PDE4B: variants seen among roughly 807,000 people sequenced by gnomAD.
The protein encoded by PDE4B is 3',5'-cyclic-AMP phosphodiesterase 4B.
Under a neutral mutation model 82.2 loss-of-function variants are expected in PDE4B, and 20 were observed. The ratio of observed to expected loss-of-function variants is 0.24; its 90% confidence interval spans 0.17 to 0.35. The LOEUF (loss-of-function observed/expected upper bound fraction) is 0.35. Among genes scored for constraint, PDE4B ranks in the 10% least tolerant of loss-of-function variants. PDE4B has a pLI of 1.00. For synonymous variants in PDE4B, 320 were observed against 318.9 expected (o/e 1.00, Z -0.04); for missense variants, 655 against 907.2 (o/e 0.72, Z 3.57).
chr1:66,053,213 G>A (rs1655131973), intron 3 of PDE4B, among the ~76,000 whole-genome samples: 1 of 152,098 alleles, frequency 6.6e-6, no homozygotes, highest in Admixed American at 6.6e-5. Flanking sequence ...TTACGTATGT[G>A]TATTAAATGT....
rs150844232 is a variant in PDE4B at position 65,878,353 on chromosome 1, T to C, written c.-70-34892T>C. ...CCTCAAGGATCTAGAACCAGAAATATCATTTGACCCAGCAATCCCATTACT... is the reference window on the plus strand; with the variant it reads ...CCTCAAGGATCTAGAACCAGAAATACCATTTGACCCAGCAATCCCATTACT... On this transcript the variant is annotated intron_variant, in intron 1 of 16. Transcript: ENST00000341517. Among the ~76,000 whole-genome samples, 664 of 152,246 alleles carry C rather than the reference T, an allele frequency of 4.4e-3. 23 individuals carry two copies. The highest frequency in any genetic ancestry group is 0.039 in the Admixed American group (597 of 15,292).
intron 1 of PDE4B, among the ~76,000 whole-genome samples, chr1:65,858,954 AG>A (rs1646424541): frequency 6.6e-6 from 1 of 152,100 alleles, no homozygotes; most frequent in African/African-American, 2.4e-5. Flanking sequence ...TCCATTTCAG[AG>A]ATGTTTGCAC....
intron 8 of PDE4B, among the ~76,000 whole-genome samples, chr1:66,347,994 A>G (rs949896986): frequency 6.6e-6 from 1 of 152,196 alleles, no homozygotes; most frequent in Non-Finnish European, 1.5e-5. Context: ...TCAGATATGA[A>G]GGTCCTAAAA....
chr1:66,174,669 T>A (rs182106952), intron 3 of PDE4B, among the ~76,000 whole-genome samples: 2 of 151,906 alleles, frequency 1.3e-5, no homozygotes, highest in African/African-American at 4.8e-5. Context: ...GGCAGGAGAA[T>A]GACTTGAACC....
chr1:65,813,760 AT>A (rs1379927537), intron 1 of PDE4B, among the ~76,000 whole-genome samples: 1 of 152,070 alleles, frequency 6.6e-6, no homozygotes, highest in Non-Finnish European at 1.5e-5. Flanking sequence ...ACTTCAGGGT[AT>A]TTTTTTCTTT....
At chr1:66,021,749 G>A (rs1293587938) in intron 3 of PDE4B, among the ~76,000 whole-genome samples, 9 of 152,174 alleles carry the variant, frequency 5.9e-5, no homozygotes, top group East Asian at 3.8e-4. Flanking sequence ...GTAGCGTGAT[G>A]CCTCCAGCTT....
intron 3 of PDE4B, among the ~76,000 whole-genome samples, chr1:66,134,320 A>T (rs1646012004): frequency 6.6e-6 from 1 of 152,228 alleles, no homozygotes; most frequent in South Asian, 2.1e-4. Context: ...AATTGAATGC[A>T]CTAAGATAGA....
intron 1 of PDE4B, among the ~76,000 whole-genome samples, chr1:65,896,603 C>T (rs1646913195): frequency 6.6e-6 from 1 of 152,086 alleles, no homozygotes; most frequent in Non-Finnish European, 1.5e-5. Flanking sequence ...GTTATTGGTT[C>T]CTATTCACCA....
chr1:66,026,480 T>C (rs546793408), intron 3 of PDE4B, among the ~76,000 whole-genome samples: 1 of 152,368 alleles, frequency 6.6e-6, no homozygotes, highest in Non-Finnish European at 1.5e-5. Context: ...ATGTCCCTGT[T>C]CTGCTACCTA....
chr1:66,283,254 A>G (rs1307900882), intron 7 of PDE4B, among the ~76,000 whole-genome samples: 2 of 152,018 alleles, frequency 1.3e-5, no homozygotes. Context: ...TTCCTCTTAG[A>G]GTTGTTTTAA....
chr1:66,148,374 T>C (rs1356007718), intron 3 of PDE4B, among the ~76,000 whole-genome samples: 1 of 152,108 alleles, frequency 6.6e-6, no homozygotes, highest in African/African-American at 2.4e-5. Context: ...TGCTCACTTG[T>C]TATCTAAATC....
At position 66,347,594 on chromosome 1, in the gene PDE4B, A is replaced by G. The variant is rs540574060; in HGVS notation, c.748-7933A>G. ...TAGAGTTGATCTTGAAAATTGCCAG[A>G]TTAATAGGCTGTCCCAGCCCTGAGA... is the stretch of plus-strand genomic sequence containing the variant. On this transcript the variant is annotated intron_variant, in intron 8 of 16. Coordinates refer to ENST00000341517, the MANE Select transcript of PDE4B (RefSeq NM_002600.4). 2.6e-5 allele frequency among the ~76,000 whole-genome samples: 4 copies of G among 152,294 alleles called. No homozygotes were observed. The South Asian group carries it at 6.2e-4, about 24-fold the overall frequency.
intron 6 of PDE4B, among the ~76,000 whole-genome samples, chr1:66,261,881 C>T (rs1654707796): frequency 6.6e-6 from 1 of 152,200 alleles, no homozygotes; most frequent in Admixed American, 6.5e-5. Context: ...AAAGCACTTG[C>T]TGACTTTAAA....
chr1:66,096,706 G>T (rs1645127740), intron 3 of PDE4B, among the ~76,000 whole-genome samples: 1 of 150,154 alleles, frequency 6.7e-6, no homozygotes, highest in African/African-American at 2.4e-5. Context: ...TATGTGACTG[G>T]CACTATATTT....
chr1:65,854,119 A>G (rs1461581729), intron 1 of PDE4B, among the ~76,000 whole-genome samples: 1 of 151,982 alleles, frequency 6.6e-6, no homozygotes, highest in East Asian at 1.9e-4. Flanking sequence ...CTCTTCACAC[A>G]TAAGAACCCC....
intron 3 of PDE4B, among the ~76,000 whole-genome samples, chr1:66,090,362 T>C (rs1644987855): frequency 6.6e-6 from 1 of 151,828 alleles, no homozygotes; most frequent in African/African-American, 2.4e-5. Flanking sequence ...GATTTATAAA[T>C]ACATCAATAA....
rs561244158 is a variant in PDE4B, at chr1:65,936,084, CA to C, written c.281+17251del. On this transcript the variant is annotated intron_variant, in intron 3 of 16. Coordinates refer to ENST00000341517, the MANE Select transcript of PDE4B (RefSeq NM_002600.4). The stretch of plus-strand genomic sequence containing the variant: ...AAGTTTTTTGTTAAAAACGAAGACA[CA>C]AGCACACACAATAGCCTAGGTCCTT... 9.9e-5 allele frequency among the ~76,000 whole-genome samples: 15 copies of C among 151,788 alleles called. No individual in the cohort carries two copies. The East Asian group carries it at 1.7e-3, about 18-fold the overall frequency.
chr1:65,898,954 A>G (rs1646941243), intron 1 of PDE4B, among the ~76,000 whole-genome samples: 1 of 152,156 alleles, frequency 6.6e-6, no homozygotes, highest in Non-Finnish European at 1.5e-5. Context: ...ATAAAAACAA[A>G]GATAAATAGC....
intron 1 of PDE4B, among the ~76,000 whole-genome samples, chr1:65,812,922 G>A (rs1209390010): frequency 6.6e-6 from 1 of 152,152 alleles, no homozygotes; most frequent in African/African-American, 2.4e-5. Flanking sequence ...GACAGCCCTG[G>A]AAAAGTTGCC....
Sources: gnomAD v4.1 joint callset for allele counts (sites outside exome capture counted in the v4.1 genomes callset) on GRCh38, gnomAD v4.1.1 for gene constraint, MANE v1.5 for transcripts, NCBI Gene and HGNC (gene_info 2026-07-23, HGNC 2026-07-21) for gene names.